CDKAL1: variants seen among roughly 807,000 people sequenced by gnomAD.
CDKAL1 encodes the protein CDKAL1 threonylcarbamoyladenosine tRNA methylthiotransferase, also known as threonylcarbamoyladenosine tRNA methylthiotransferase.
Under a neutral mutation model 68.2 loss-of-function variants are expected in CDKAL1, and 32 were observed. That is an observed-to-expected ratio of 0.47 (90% CI 0.35 to 0.63). CDKAL1 has a LOEUF of 0.63. Ranked by LOEUF, CDKAL1 falls within the 30% of genes least tolerant of loss-of-function variation. The pLI, the probability that CDKAL1 is intolerant of heterozygous loss-of-function variation, is 0.00. For synonymous variants in CDKAL1, 234 were observed against 244.3 expected (o/e 0.96, Z 0.39); for missense variants, 606 against 696.7 (o/e 0.87, Z 1.47).
chr6:20,601,295 C>T (rs976783594), intron 4 of CDKAL1, among the ~76,000 whole-genome samples: 1 of 152,104 alleles, frequency 6.6e-6, no homozygotes, highest in African/African-American at 2.4e-5. Context: ...TGGGGCAGCA[C>T]AACTTGGTGT....
At chr6:20,609,951 C>G (rs1766544627) in intron 4 of CDKAL1, among the ~76,000 whole-genome samples, 1 of 152,058 alleles carries the variant, frequency 6.6e-6, no homozygotes, top group Admixed American at 6.5e-5. Context: ...CTCTAATAAG[C>G]CCCAGTGTGC....
chr6:21,122,509 G>T (rs1306757613), intron 13 of CDKAL1, among the ~76,000 whole-genome samples: 2 of 152,070 alleles, frequency 1.3e-5, no homozygotes, highest in African/African-American at 4.8e-5. Flanking sequence ...TGGCTTTATA[G>T]ACTTTGCTTT....
At chr6:21,009,888 A>G (rs1451544253) in intron 11 of CDKAL1, among the ~76,000 whole-genome samples, 2 of 152,224 alleles carry the variant, frequency 1.3e-5, no homozygotes, top group Non-Finnish European at 2.9e-5. Context: ...GGGTACAAAC[A>G]TATAGCTAGA....
intron 4 of CDKAL1, among the ~76,000 whole-genome samples, chr6:20,605,204 G>T (rs1022809912): frequency 6.6e-6 from 1 of 152,128 alleles, no homozygotes; most frequent in East Asian, 1.9e-4. Flanking sequence ...AACAGTGAAG[G>T]TTAATAGAAA....
At chr6:21,120,575 A>G (rs976565765) in intron 13 of CDKAL1, among the ~76,000 whole-genome samples, 10 of 152,284 alleles carry the variant, frequency 6.6e-5, no homozygotes, top group Non-Finnish European at 1.5e-4. Flanking sequence ...AGAGGCAACC[A>G]CTGTTGCTGG....
intron 8 of CDKAL1, among the ~76,000 whole-genome samples, chr6:20,802,409 T>C (rs1470207463): frequency 6.6e-6 from 1 of 151,878 alleles, no homozygotes; most frequent in Non-Finnish European, 1.5e-5. Flanking sequence ...ATACTGAAAG[T>C]ATATGCATGT....
chr6:20,536,184 C>T (rs1763166173), intron 2 of CDKAL1, among the ~76,000 whole-genome samples: 1 of 151,836 alleles, frequency 6.6e-6, no homozygotes, highest in African/African-American at 2.4e-5. Flanking sequence ...GATCCTGCCA[C>T]CTTGGCTTCC....
chr6:20,833,793 C>T (rs1777819229), intron 8 of CDKAL1, among the ~76,000 whole-genome samples: 1 of 152,148 alleles, frequency 6.6e-6, no homozygotes, highest in Non-Finnish European at 1.5e-5. Context: ...TTTAATGCCA[C>T]ATCTGGGGTT....
intron 13 of CDKAL1, among the ~76,000 whole-genome samples, chr6:21,138,766 A>G (rs1775747251): frequency 6.6e-6 from 1 of 152,168 alleles, no homozygotes; most frequent in South Asian, 2.1e-4. Context: ...ATACATTACC[A>G]TAAGACTTAA....
rs190481528 is a variant in CDKAL1 at position 20,804,115 on chromosome 6, C to G, written c.638+22850C>G. Among the ~76,000 whole-genome samples the G allele has an allele frequency of 2.6e-3, 393 of 152,272 alleles. 1 individual carries two copies. The highest frequency in any genetic ancestry group is 6.5e-3 in the Admixed American group (99 of 15,304). ...ATCTTTGAATATAACTACACTATAACATTTTACAATGACTATCTACCAATT... is the reference window on the plus strand; with the variant it reads ...ATCTTTGAATATAACTACACTATAAGATTTTACAATGACTATCTACCAATT... On this transcript the variant is annotated intron_variant, in intron 8 of 15. Transcript: ENST00000274695.
intron 5 of CDKAL1, among the ~76,000 whole-genome samples, chr6:20,693,995 C>T (rs891530831): frequency 1.6e-4 from 24 of 151,650 alleles, no homozygotes; most frequent in African/African-American, 4.4e-4. Context: ...ACTTCAGCCT[C>T]CCGAGGAGCT....
chr6:20,768,904 A>G (rs114901861), intron 7 of CDKAL1, among the ~76,000 whole-genome samples: 2,283 of 152,184 alleles, frequency 0.015, 60 homozygotes, highest in African/African-American at 0.052. Context: ...GAGAGGGGAG[A>G]TGGCAGACTG....
At chr6:21,190,578 G>A (rs1056227391) in intron 13 of CDKAL1, among the ~76,000 whole-genome samples, 1 of 152,152 alleles carries the variant, frequency 6.6e-6, no homozygotes, top group Non-Finnish European at 1.5e-5. Flanking sequence ...TGTTGGCTAA[G>A]CTGGTCTTGA....
chr6:21,058,389 T>G (rs912517396), intron 11 of CDKAL1, among the ~76,000 whole-genome samples: 4 of 152,234 alleles, frequency 2.6e-5, no homozygotes, highest in Non-Finnish European at 5.9e-5. Context: ...ATCCCTTTAT[T>G]TTGAGCCTAT....
At chr6:20,867,020 G>A (rs556645166) in intron 9 of CDKAL1, among the ~76,000 whole-genome samples, 2 of 152,278 alleles carry the variant, frequency 1.3e-5, no homozygotes, top group East Asian at 3.9e-4. Context: ...TCAGGACCAA[G>A]CATTCTGTTT....
chr6:20,841,022 A>C (rs986447511), intron 8 of CDKAL1, among the ~76,000 whole-genome samples: 1 of 152,066 alleles, frequency 6.6e-6, no homozygotes, highest in Non-Finnish European at 1.5e-5. Flanking sequence ...TTTTGTGGAG[A>C]CAAGGTCTCA....
chr6:20,725,783 T>TG (rs1179980819), intron 5 of CDKAL1, among the ~76,000 whole-genome samples: 6 of 99,084 alleles, frequency 6.1e-5, no homozygotes, highest in Admixed American at 5.6e-4. Flanking sequence ...AAACTCCGTC[T>TG]AAAAAAAAAA....
intron 9 of CDKAL1, among the ~76,000 whole-genome samples, chr6:20,925,697 G>C (rs894991549): frequency 6.6e-6 from 1 of 152,018 alleles, no homozygotes; most frequent in African/African-American, 2.4e-5. Flanking sequence ...AGAAAATATA[G>C]AAATCTTCTT....
chr6:21,017,991 G>A (rs1384023014), intron 11 of CDKAL1, among the ~76,000 whole-genome samples: 2 of 152,094 alleles, frequency 1.3e-5, no homozygotes, highest in Non-Finnish European at 2.9e-5. Flanking sequence ...ATAATATTGT[G>A]TTACAAAAAC....
Sources: gnomAD v4.1 joint callset for allele counts (sites outside exome capture counted in the v4.1 genomes callset) on GRCh38, gnomAD v4.1.1 for gene constraint, MANE v1.5 for transcripts, NCBI Gene and HGNC (gene_info 2026-07-23, HGNC 2026-07-21) for gene names.